PPARA: variants seen among roughly 807,000 people sequenced by gnomAD.
PPARA encodes the protein peroxisome proliferator-activated receptor alpha.
PPARA carries 22 observed loss-of-function variants against 42.2 expected under a neutral mutation model. The observed-to-expected ratio is 0.52, with a 90% CI of 0.37 to 0.74. PPARA has a LOEUF of 0.74. PPARA is among the 30% of genes least tolerant of loss of function. PPARA has a pLI of 0.00. For synonymous variants in PPARA, 242 were observed against 239.3 expected (o/e 1.01, Z -0.10); for missense variants, 465 against 608.2 (o/e 0.76, Z 2.48).
intron 3 of PPARA, among the ~76,000 whole-genome samples, chr22:46,185,290 T>G (rs1930504743): frequency 6.6e-6 from 1 of 152,244 alleles, no homozygotes; most frequent in African/African-American, 2.4e-5. Flanking sequence ...AGAAAAGTTC[T>G]TATTCTCTGA....
At position 46,205,933 on chromosome 22, in the gene PPARA, T is replaced by C. The variant is rs535436475; in HGVS notation, c.208+7342T>C. ...AGCTTTCTTTTGATTGGTGTTAACA[T>C]GGTATATCTTTTCCCATTCTTTTTC... On this transcript the variant is annotated intron_variant, in intron 4 of 8. Transcript: ENST00000407236. 3.1e-4 allele frequency among the ~76,000 whole-genome samples: 47 copies of C among 152,246 alleles called. No individual in the cohort carries two copies. The East Asian group carries it at 9.1e-3, about 29-fold the overall frequency.
At chr22:46,174,743 G>T (rs989611086) in intron 2 of PPARA, among the ~76,000 whole-genome samples, 4 of 151,992 alleles carry the variant, frequency 2.6e-5, no homozygotes, top group African/African-American at 9.7e-5. Flanking sequence ...CTTGAGCCTG[G>T]GAGTTCGAGG....
In PPARA at chr22:46,242,947, A is replaced by G. The variant is rs951642420; in HGVS notation, c.*7567A>G. ...AGTGTTTCGCTAAAGACCCTTCACT[A>G]TTCTTGTTTAGTAAATAGCTGTCTG... On this transcript the variant is annotated 3_prime_UTR_variant, in exon 9 of 9. Transcript: ENST00000407236. The surrounding 1 kb of genome is among the most constrained non-coding windows in gnomAD (Gnocchi z 6.1). 1 of 152,616 alleles carries G rather than the reference A, an allele frequency of 6.6e-6. No individual in the cohort carries two copies. The highest frequency in any genetic ancestry group is 1.5e-5 in the Non-Finnish European group (1 of 68,046). 9.5% of individuals were successfully genotyped at this position (152,616 alleles called of 1,614,324 possible).
At position 46,237,257 on chromosome 22, in the gene PPARA, G is replaced by A. The variant is rs1006778875; in HGVS notation, c.*1877G>A. The stretch of plus-strand genomic sequence containing the variant: ...TTCCACTAGAAAAAAGTGAAAGTTA[G>A]GGTTAGGACATCCTTTTTTAAAAAT... On this transcript the variant is annotated 3_prime_UTR_variant, in exon 9 of 9. Transcript: ENST00000407236. The surrounding 1 kb of genome is among the most constrained non-coding windows in gnomAD (Gnocchi z 6.7). 6.6e-6 allele frequency: 1 copy of A among 152,000 alleles called. No homozygotes were observed. The highest frequency in any genetic ancestry group is 2.4e-5 in the African/African-American group (1 of 41,298). The allele number at this position is 152,000 out of a possible 1,614,324, so 9.4% of individuals were successfully genotyped here.
In PPARA at chr22:46,237,350, C is replaced by G. The variant is rs768497940; in HGVS notation, c.*1970C>G. 6.6e-6 allele frequency: 1 copy of G among 152,344 alleles called. No individual in the cohort carries two copies. The highest frequency in any genetic ancestry group is 1.5e-5 in the Non-Finnish European group (1 of 68,168). 9.4% of individuals were successfully genotyped at this position (152,344 alleles called of 1,614,324 possible). A position where few individuals can be genotyped will look rare whatever the true frequency, so the allele number is the denominator to read the frequency against. On this transcript the variant is annotated 3_prime_UTR_variant, in exon 9 of 9. Transcript: ENST00000407236. This position sits in a 1 kb window ranked among gnomAD's most constrained non-coding sequence, Gnocchi z 6.7. ...CAGTGGCTCACACATGGAATCCCAGCACTTTGGGAGGCCGAGGTGGGAGGA... is the reference window on the plus strand; with the variant it reads ...CAGTGGCTCACACATGGAATCCCAGGACTTTGGGAGGCCGAGGTGGGAGGA...
Position 46,231,422 on chromosome 22 carries a change from T to C in PPARA, c.712-370T>C, listed in dbSNP as rs1601823930. Among the ~76,000 whole-genome samples, 1 of 152,156 alleles carries C rather than the reference T, an allele frequency of 6.6e-6. No individual in the cohort carries two copies. The highest frequency in any genetic ancestry group is 2.4e-5 in the African/African-American group (1 of 41,436). ...TTTTAGTAGAGACGGGGTTTCACCA[T>C]GCTGGCCAGGCTGGTCTCGAACTCT... On this transcript the variant is annotated intron_variant, in intron 7 of 8. Coordinates refer to ENST00000407236, the MANE Select transcript of PPARA (RefSeq NM_005036.6). This position sits in a 1 kb window ranked among gnomAD's most constrained non-coding sequence, Gnocchi z 7.7.
At chr22:46,213,376 T>C (rs1030962181) in intron 4 of PPARA, among the ~76,000 whole-genome samples, 1 of 152,106 alleles carries the variant, frequency 6.6e-6, no homozygotes, top group Non-Finnish European at 1.5e-5. Flanking sequence ...ACTGTTCAGA[T>C]GTTCAGATCT....
chr22:46,176,017 G>A (rs1025587223), intron 2 of PPARA: 1 of 152,180 alleles, frequency 6.6e-6, no homozygotes, highest in African/African-American at 2.4e-5. Context: ...GCTCACACCT[G>A]TAATCCTAAC....
At chr22:46,174,190 A>AG (rs1569196606) in intron 2 of PPARA, among the ~76,000 whole-genome samples, 14,416 of 126,754 alleles carry the variant, frequency 0.11, 996 homozygotes, top group Non-Finnish European at 0.16. Context: ...AGAAGGAAGA[A>AG]AGAGAGAGAG....
intron 7 of PPARA, among the ~76,000 whole-genome samples, chr22:46,223,836 T>C (rs1935189227): frequency 7.6e-6 from 1 of 131,640 alleles, no homozygotes; most frequent in Non-Finnish European, 1.6e-5. Flanking sequence ...TGTAGTCCCA[T>C]CTATTCGGGA....
chr22:46,240,905 A>G lies in PPARA; in HGVS notation c.*5525A>G, dbSNP rs1936354309. ...GCTGCTGTCATTCAAGCCCATCTTC[A>G]GACGTCACAGTCTGGAAGTGAAATG... On this transcript the variant is annotated 3_prime_UTR_variant, in exon 9 of 9. Coordinates refer to ENST00000407236, the MANE Select transcript of PPARA (RefSeq NM_005036.6). The surrounding 1 kb of genome is among the most constrained non-coding windows in gnomAD (Gnocchi z 6.0). 6.6e-6 allele frequency: 1 copy of G among 152,268 alleles called. No individual in the cohort carries two copies. Among genetic ancestry groups the G allele is most frequent in the Non-Finnish European group, 1.5e-5 (1 of 68,052 alleles). The allele number at this position is 152,268 out of a possible 1,614,324, so 9.4% of individuals were successfully genotyped here.
chr22:46,202,172 C>T (rs897275760), intron 4 of PPARA, among the ~76,000 whole-genome samples: 4 of 152,188 alleles, frequency 2.6e-5, no homozygotes, highest in African/African-American at 9.7e-5. Context: ...CCTCTGGCAG[C>T]TTAAACACAG....
chr22:46,155,007 AAAAAAAAAAAAAAAAAAAAAC>A (rs1264140630), intron 2 of PPARA: 17 of 141,052 alleles, frequency 1.2e-4, no homozygotes, highest in Non-Finnish European at 2.5e-4. Context: ...AAAAAAAAAA[AAAAAAAAAAAAAAAAAAAAAC>A]CACATTAATT....
chr22:46,153,269 G>C (rs113472456), intron 2 of PPARA, among the ~76,000 whole-genome samples: 2 of 142,950 alleles, frequency 1.4e-5, no homozygotes, highest in African/African-American at 5.2e-5. Flanking sequence ...TCACGGATTC[G>C]AACAATACTC....
intron 7 of PPARA, among the ~76,000 whole-genome samples, chr22:46,223,048 G>A (rs1399363919): frequency 2.0e-5 from 3 of 152,148 alleles, no homozygotes; most frequent in East Asian, 1.9e-4. Flanking sequence ...TAGTCCCCGC[G>A]ACTTGGGAGG....
chr22:46,154,586 C>T (rs1354418598), intron 2 of PPARA, among the ~76,000 whole-genome samples: 1 of 152,088 alleles, frequency 6.6e-6, no homozygotes, highest in African/African-American at 2.4e-5. Flanking sequence ...CACTACACTC[C>T]AGCCTGGGTG....
rs1267286640 is a variant in PPARA at position 46,216,506 on chromosome 22, T to G, written c.369+1173T>G. Among the ~76,000 whole-genome samples, 1 of 152,112 alleles carries G rather than the reference T, an allele frequency of 6.6e-6. No individual in the cohort carries two copies. The highest frequency in any genetic ancestry group is 2.4e-5 in the African/African-American group (1 of 41,422). On this transcript the variant is annotated intron_variant, in intron 5 of 8. Transcript: ENST00000407236. The surrounding 1 kb of genome is among the most constrained non-coding windows in gnomAD (Gnocchi z 4.5). ...CTCCCTGAAGGCCAGGTGGGGCAGG[T>G]GTTCTCATGCTCCTGCCAGGGAAAT...
Position 46,231,820 on chromosome 22 carries a change from T to C in PPARA, c.740T>C (p.Leu247Pro). The change falls in exon 8 of 9, where the codon CTG becomes CCG. Residue 247 changes from leucine (L) to proline (P), a missense_variant. Leu to Pro is a moderately conservative substitution (Grantham distance 98, BLOSUM62 -3). Transcript: ENST00000407236. This position sits in a 1 kb window ranked among gnomAD's most constrained non-coding sequence, Gnocchi z 7.7. Reference sequence around the variant, plus strand: ...TTTGTCATACATGATATGGAGACACTGTGTATGGCTGAGAAGACGCTGGTG... The same window carrying C: ...TTTGTCATACATGATATGGAGACACCGTGTATGGCTGAGAAGACGCTGGTG... Reference protein sequence around the residue: ...PPFVIHDMETLCMAEKTLVAK... With the variant: ...PPFVIHDMETPCMAEKTLVAK... 2 of 1,613,786 alleles carry C rather than the reference T, an allele frequency of 1.2e-6. No homozygotes were observed. The highest frequency in any genetic ancestry group is 1.1e-5 in the South Asian group (1 of 91,062).
rs1931541833 is a variant in PPARA, at chr22:46,191,500, T to C, written c.-42-6842T>C. Among the ~76,000 whole-genome samples the C allele has an allele frequency of 1.3e-5, 2 of 151,790 alleles. No individual in the cohort carries two copies. The highest frequency in any genetic ancestry group is 4.9e-5 in the African/African-American group (2 of 41,124). On this transcript the variant is annotated intron_variant, in intron 3 of 8. Coordinates refer to ENST00000407236, the MANE Select transcript of PPARA (RefSeq NM_005036.6). This position sits in a 1 kb window ranked among gnomAD's most constrained non-coding sequence, Gnocchi z 4.6. ...GTTCAGTATGGTTTTTTTTTTTTTT[T>C]TCCTTTTGCTGGCTTTGTTTTCCTG...
Sources: allele counts gnomAD v4.1 joint callset (sites outside exome capture counted in the v4.1 genomes callset), GRCh38; gene constraint gnomAD v4.1.1; non-coding constraint Gnocchi (gnomAD v3.1); transcripts MANE v1.5; gene names NCBI Gene and HGNC (gene_info 2026-07-23, HGNC 2026-07-21).